WDR75: variants seen among roughly 807,000 people sequenced by gnomAD.
WDR75 encodes the protein WD repeat domain 75.
WDR75 carries 52 observed loss-of-function variants against 106.1 expected under a neutral mutation model. The observed-to-expected ratio is 0.49, with a 90% CI of 0.39 to 0.62. The LOEUF is 0.62. WDR75 is among the 20% of genes least tolerant of loss of function. The probability of loss-of-function intolerance (pLI) is 0.00; values close to 1 mark genes in which losing one functional copy is unlikely to be tolerated. For missense variants in WDR75, 905 were observed against 970.3 expected (o/e 0.93, Z 0.89); for synonymous variants, 333 against 335.5 (o/e 0.99, Z 0.08).
intron 5 of WDR75, 131 bp downstream of exon 5, chr2:189,455,575 G>A (rs1686716574): frequency 2.5e-6 from 3 of 1,192,538 alleles, no homozygotes; most frequent in South Asian, 3.2e-5. Context: ...TAACTAAGAA[G>A]CCTCTTCATT....
chr2:189,449,297 CTT>C, intron 2 of WDR75: 1 of 1,303,384 alleles, frequency 7.7e-7, no homozygotes, highest in Non-Finnish European at 1.0e-6. Flanking sequence ...TTGCCATTCA[CTT>C]TTATTCCAAA....
chr2:189,461,420 T>G (rs1172798010), intron 8 of WDR75, among the ~76,000 whole-genome samples: 4 of 152,196 alleles, frequency 2.6e-5, no homozygotes, highest in African/African-American at 9.6e-5. Flanking sequence ...ATTGAGTATT[T>G]TAATTTGTAA....
intron 1 of WDR75, 108 bp from the exon 2 acceptor site, chr2:189,448,271 G>A (rs1574187779): frequency 7.9e-7 from 1 of 1,265,724 alleles, no homozygotes; most frequent in East Asian, 2.7e-5. Context: ...ATCACTTGAG[G>A]CCAGGAGTTC....
Position 189,467,497 on chromosome 2 carries a change from G to A in WDR75, c.1477G>A (p.Val493Ile). 1 of 1,603,682 alleles carries A rather than the reference G, an allele frequency of 6.2e-7. No homozygotes were observed. Among genetic ancestry groups the A allele is most frequent in the Non-Finnish European group, 8.5e-7 (1 of 1,175,520 alleles). ...AGCTGTTGGCTGGACCTGTGACTTT[G>A]TTGGTAGTTATCACAAGTATCAAGC... ...KKAVGWTCDFVGSYHKYQATN... is the reference protein window; with the variant it reads ...KKAVGWTCDFIGSYHKYQATN... Residue 493 changes from valine (V) to isoleucine (I), a missense_variant, in exon 14 of 21, where the codon GTT becomes ATT. Val to Ile is a conservative substitution (Grantham distance 29). Coordinates refer to ENST00000314761, the MANE Select transcript of WDR75 (RefSeq NM_032168.3).
At chr2:189,455,032 G>A (rs936226663) in intron 4 of WDR75, among the ~76,000 whole-genome samples, 4 of 152,068 alleles carry the variant, frequency 2.6e-5, no homozygotes, top group African/African-American at 9.7e-5. Context: ...CTTGAGGTCA[G>A]GAGTTCGAGA....
chr2:189,448,626 A>G, intron 2 of WDR75, 118 bp downstream of exon 2: 1 of 1,342,174 alleles, frequency 7.5e-7, no homozygotes, highest in Non-Finnish European at 1.0e-6. Flanking sequence ...GCTTATTTTC[A>G]GTTGTAGGGT....
rs766491611 is a variant in WDR75 at position 189,470,137 on chromosome 2, G to A, written c.1881G>A (p.Glu627=). The A allele has an allele frequency of 6.2e-7, 1 of 1,613,496 alleles. No individual in the cohort carries two copies. Among genetic ancestry groups the A allele is most frequent in the Non-Finnish European group, 8.5e-7 (1 of 1,179,646 alleles). ...PLYIQKGISR[E]KVQWGVFVPR... ...ATATTCAAAAGGGTATCTCCAGAGA[G>A]AAAGTCCAGTGGGGAGTGTTTGTTC... The change falls in exon 17 of 21, where the codon GAG becomes GAA. Residue 627 remains glutamate (E), a synonymous_variant. Coordinates refer to ENST00000314761, the MANE Select transcript of WDR75 (RefSeq NM_032168.3).
chr2:189,459,200 G>A, intron 7 of WDR75, 136 bp from the exon 8 acceptor site: 1 of 657,858 alleles, frequency 1.5e-6, no homozygotes. Context: ...AATAGAAAAT[G>A]TGCACATTAA....
At chr2:189,473,551 T>TACCACC (rs1213965294) in intron 18 of WDR75, among the ~76,000 whole-genome samples, 1 of 151,980 alleles carries the variant, frequency 6.6e-6, no homozygotes, top group Non-Finnish European at 1.5e-5. Flanking sequence ...GATATGAAGA[T>TACCACC]ACCACCACCA....
chr2:189,474,501 G>A (rs1319682846), intron 19 of WDR75, among the ~76,000 whole-genome samples, 169 bp downstream of exon 19: 5 of 152,178 alleles, frequency 3.3e-5, no homozygotes, highest in Admixed American at 3.3e-4. Flanking sequence ...GGATTGTTTT[G>A]TCCTGGACCT....
In WDR75 at chr2:189,458,842, C is replaced by G; in HGVS notation, c.659C>G (p.Ser220Cys). 1 of 1,606,090 alleles carries G rather than the reference C, an allele frequency of 6.2e-7. No homozygotes were observed. The highest frequency in any genetic ancestry group is 8.5e-7 in the Non-Finnish European group (1 of 1,176,738). Residue 220 changes from serine (S) to cysteine (C), a missense_variant, in exon 7 of 21, where the codon TCT becomes TGT. Physicochemically the swap from Ser to Cys is moderately radical, Grantham distance 112. Coordinates refer to ENST00000314761, the MANE Select transcript of WDR75 (RefSeq NM_032168.3). ...CACCCAACGGAAGACTGCATCGCAT[C>G]TGGTCACATGGATGGCAAAATTCGT... Reference protein sequence around the residue: ...ACHPTEDCIASGHMDGKIRLW... With the variant: ...ACHPTEDCIACGHMDGKIRLW...
At position 189,453,377 on chromosome 2, in the gene WDR75, C is replaced by G. The variant is rs114919614; in HGVS notation, c.373+1482C>G. 4.1e-3 allele frequency among the ~76,000 whole-genome samples: 619 copies of G among 152,278 alleles called. 4 individuals are homozygous for G. The highest frequency in any genetic ancestry group is 0.014 in the African/African-American group (581 of 41,550). On this transcript the variant is annotated intron_variant, in intron 4 of 20. Coordinates refer to ENST00000314761, the MANE Select transcript of WDR75 (RefSeq NM_032168.3). ...CATCACTCGTATTTGGTAACAACTT[C>G]CTGTACTCACTCCATGATTCCTCAC...
chr2:189,449,165 G>A (rs372523607), intron 2 of WDR75: 5 of 1,057,428 alleles, frequency 4.7e-6, no homozygotes, highest in African/African-American at 1.7e-5. Context: ...CTTAAGTTTC[G>A]GCAAATCTAC....
At chr2:189,466,760 G>T (rs1160774069) in intron 13 of WDR75, among the ~76,000 whole-genome samples, 178 bp downstream of exon 13, 1 of 152,006 alleles carries the variant, frequency 6.6e-6, no homozygotes. Flanking sequence ...CCTCAAATCT[G>T]TTCTTTTTAA....
chr2:189,459,681 T>C (rs1321457934), intron 8 of WDR75, among the ~76,000 whole-genome samples: 4 of 152,220 alleles, frequency 2.6e-5, no homozygotes, highest in Non-Finnish European at 4.4e-5. Context: ...TTATATGACT[T>C]TTTGAAGGTA....
chr2:189,461,773 G>A (rs1314030403), intron 8 of WDR75, among the ~76,000 whole-genome samples: 3 of 152,074 alleles, frequency 2.0e-5, no homozygotes, highest in South Asian at 2.1e-4. Flanking sequence ...TCCAGTTAAC[G>A]TTGAATCAAA....
At chr2:189,462,296 G>GA (rs1049009537) in intron 8 of WDR75, among the ~76,000 whole-genome samples, 188 bp from the exon 9 acceptor site, 1 of 151,788 alleles carries the variant, frequency 6.6e-6, no homozygotes, top group African/African-American at 2.4e-5. Flanking sequence ...GATATCACTG[G>GA]AAAAAAAATT....
At position 189,457,007 on chromosome 2, in the gene WDR75, C is replaced by T. The variant is rs1452036579; in HGVS notation, c.499-304C>T. On this transcript the variant is annotated intron_variant, in intron 5 of 20. Transcript: ENST00000314761. ...CTGTAATCCCAGCACTTTGGGAGGCCGAGGCAGGCGGATCACCTGAGGTCA... is the reference window on the plus strand; with the variant it reads ...CTGTAATCCCAGCACTTTGGGAGGCTGAGGCAGGCGGATCACCTGAGGTCA... Among the ~76,000 whole-genome samples, 6 of 151,848 alleles carry T rather than the reference C, an allele frequency of 4.0e-5. 2 individuals are homozygous for T. In the South Asian group the frequency reaches 1.2e-3, roughly 32 times the overall value.
intron 1 of WDR75, among the ~76,000 whole-genome samples, chr2:189,446,680 A>C (rs1033554651): frequency 6.6e-6 from 1 of 152,200 alleles, no homozygotes; most frequent in African/African-American, 2.4e-5. Context: ...TCCACAGAGG[A>C]TATGTTCCAG....
Sources: gnomAD v4.1 joint callset for allele counts (sites outside exome capture counted in the v4.1 genomes callset) on GRCh38, gnomAD v4.1.1 for gene constraint, MANE v1.5 for transcripts, NCBI Gene and HGNC (gene_info 2026-07-23, HGNC 2026-07-21) for gene names.